NLGN1: variants seen among roughly 807,000 people sequenced by gnomAD.
NLGN1 encodes neuroligin 1, also known as neuroligin-1.
Under a neutral mutation model 65.5 loss-of-function variants are expected in NLGN1, and 12 were observed. The ratio of observed to expected loss-of-function variants is 0.18; its 90% CI spans 0.12 to 0.30. NLGN1 has a LOEUF of 0.30. NLGN1 is among the 10% of genes least tolerant of loss of function. The pLI, the probability that NLGN1 is intolerant of heterozygous loss-of-function variation, is 1.00. For synonymous variants in NLGN1, 350 were observed against 359.5 expected (o/e 0.97, Z 0.30); for missense variants, 750 against 1,007.1 (o/e 0.74, Z 3.46).
At chr3:173,674,589 G>T (rs561886214) in intron 3 of NLGN1, among the ~76,000 whole-genome samples, 2 of 151,894 alleles carry the variant, frequency 1.3e-5, no homozygotes, top group African/African-American at 2.4e-5. Context: ...TAAAGGAATA[G>T]AAAGCTGTCC....
upstream of NLGN1, among the ~76,000 whole-genome samples, chr3:173,396,865 G>T (rs1716708385): frequency 6.6e-6 from 1 of 152,178 alleles, no homozygotes; most frequent in South Asian, 2.1e-4. Context: ...TGGGGTGGGG[G>T]TGGGGGGTGC....
intron 2 of NLGN1, among the ~76,000 whole-genome samples, chr3:173,600,777 G>A (rs1049454836): frequency 2.6e-5 from 4 of 151,504 alleles, no homozygotes; most frequent in African/African-American, 9.7e-5. Flanking sequence ...GGAGTAATGA[G>A]TAGATTGTTC....
At chr3:173,436,884 C>G (rs559786486) in intron 2 of NLGN1, among the ~76,000 whole-genome samples, 32 of 152,336 alleles carry the variant, frequency 2.1e-4, no homozygotes, top group African/African-American at 7.7e-4. Context: ...CCAGCTCTAA[C>G]TGTACTCCAG....
chr3:173,737,517 A>G (rs982815027), intron 3 of NLGN1, among the ~76,000 whole-genome samples: 5 of 152,034 alleles, frequency 3.3e-5, no homozygotes, highest in Non-Finnish European at 1.5e-5. Context: ...ATCATATGAT[A>G]TGCAACCTTT....
chr3:174,277,679 A>G (rs1485354102), intron 5 of NLGN1, among the ~76,000 whole-genome samples: 1 of 151,934 alleles, frequency 6.6e-6, no homozygotes, highest in Non-Finnish European at 1.5e-5. Context: ...AAACAAATGT[A>G]TATTAATACT....
intron 3 of NLGN1, among the ~76,000 whole-genome samples, chr3:173,741,587 G>A (rs1578210215): frequency 6.6e-6 from 1 of 152,064 alleles, no homozygotes; most frequent in East Asian, 1.9e-4. Flanking sequence ...CCACCTCCTA[G>A]GTTCGAGTGA....
chr3:173,790,404 T>A (rs1712432749), intron 3 of NLGN1, among the ~76,000 whole-genome samples: 1 of 152,152 alleles, frequency 6.6e-6, no homozygotes, highest in Non-Finnish European at 1.5e-5. Context: ...AGATTCTTTC[T>A]CAACCACCCA....
intron 4 of NLGN1, among the ~76,000 whole-genome samples, chr3:173,983,126 T>C (rs1225583651): frequency 6.6e-6 from 1 of 152,220 alleles, no homozygotes; most frequent in East Asian, 1.9e-4. Context: ...TTTGGGTAAG[T>C]TATCATGTTT....
rs557664383 is a variant in NLGN1 at position 173,426,403 on chromosome 3, G to A, written c.-389-8607G>A. On this transcript the variant is annotated intron_variant, in intron 1 of 6. Transcript: ENST00000457714. ...AGTGATGAAACTAGGTATCTTTTTCGTTTTCCAAATTTGACAATAAAGTTT... is the reference window on the plus strand; with the variant it reads ...AGTGATGAAACTAGGTATCTTTTTCATTTTCCAAATTTGACAATAAAGTTT... Among the ~76,000 whole-genome samples the A allele has an allele frequency of 4.0e-5, 6 of 151,520 alleles. No homozygotes were observed. In the South Asian group the frequency reaches 6.2e-4, roughly 16 times the overall value.
intron 4 of NLGN1, among the ~76,000 whole-genome samples, chr3:174,115,481 G>A (rs1716189764): frequency 6.6e-6 from 1 of 152,090 alleles, no homozygotes; most frequent in South Asian, 2.1e-4. Flanking sequence ...TATTATTTTT[G>A]TCATGTGTTA....
intron 4 of NLGN1, among the ~76,000 whole-genome samples, chr3:173,867,239 A>C (rs1409088947): frequency 6.6e-6 from 1 of 152,200 alleles, no homozygotes; most frequent in African/African-American, 2.4e-5. Flanking sequence ...TCCAAAATTT[A>C]GTTTCAACCG....
chr3:173,568,119 G>A (rs897938054), intron 2 of NLGN1, among the ~76,000 whole-genome samples: 2 of 151,798 alleles, frequency 1.3e-5, no homozygotes, highest in Non-Finnish European at 2.9e-5. Flanking sequence ...ATCTACTCTT[G>A]TACAATAGAT....
chr3:174,044,598 TC>T (rs1159393808), intron 4 of NLGN1, among the ~76,000 whole-genome samples: 1 of 152,152 alleles, frequency 6.6e-6, no homozygotes, highest in African/African-American at 2.4e-5. Flanking sequence ...CCTCAGCCTC[TC>T]AGCCTGGACT....
intron 2 of NLGN1, among the ~76,000 whole-genome samples, chr3:173,452,993 C>A (rs1225576360): frequency 6.6e-6 from 1 of 152,018 alleles, no homozygotes; most frequent in African/African-American, 2.4e-5. Context: ...TTCAGTGAGT[C>A]TTAATCTTTT....
chr3:173,497,156 G>A (rs1406195427), intron 2 of NLGN1, among the ~76,000 whole-genome samples: 1 of 151,806 alleles, frequency 6.6e-6, no homozygotes, highest in Non-Finnish European at 1.5e-5. Context: ...GGCCAAGGCG[G>A]GCAGATCACC....
At chr3:173,503,862 A>G (rs548695438) in intron 2 of NLGN1, among the ~76,000 whole-genome samples, 1 of 152,048 alleles carries the variant, frequency 6.6e-6, no homozygotes, top group East Asian at 1.9e-4. Context: ...GGGAAATTCC[A>G]TATGCATAAC....
intron 4 of NLGN1, among the ~76,000 whole-genome samples, chr3:174,115,531 G>A (rs1400559223): frequency 6.6e-6 from 1 of 152,174 alleles, no homozygotes; most frequent in Non-Finnish European, 1.5e-5. Flanking sequence ...TCCACGTTAA[G>A]ATAACTGATT....
chr3:173,629,805 T>A (rs1449255888), intron 3 of NLGN1, among the ~76,000 whole-genome samples: 1 of 152,140 alleles, frequency 6.6e-6, no homozygotes, highest in Admixed American at 6.6e-5. Context: ...GAGACACGAC[T>A]GTGTTAAAAC....
intron 2 of NLGN1, among the ~76,000 whole-genome samples, chr3:173,498,661 G>A (rs1048763412): frequency 6.6e-6 from 1 of 151,790 alleles, no homozygotes; most frequent in African/African-American, 2.4e-5. Flanking sequence ...CTAGCTTACA[G>A]TCCCACCAAT....
Sources: allele counts gnomAD v4.1 joint callset (sites outside exome capture counted in the v4.1 genomes callset), GRCh38; gene constraint gnomAD v4.1.1; transcripts MANE v1.5; gene names NCBI Gene and HGNC (gene_info 2026-07-23, HGNC 2026-07-21).